Variants in ZNF845 observed in about 807,000 individuals in gnomAD.
ZNF845 encodes zinc finger protein 845.
Under a neutral mutation model 76.1 loss-of-function variants are expected in ZNF845, and 59 were observed. The observed-to-expected ratio is 0.78, with a 90% CI of 0.63 to 0.96. The LOEUF is 0.96. Ranked by LOEUF, ZNF845 falls within the 40% of genes least tolerant of loss-of-function variation. The probability of loss-of-function intolerance (pLI) is 0.00; values close to 1 mark genes in which losing one functional copy is unlikely to be tolerated. For synonymous variants in ZNF845, 361 were observed against 386.9 expected, an observed-to-expected ratio of 0.93 and a Z score of 0.78; for missense variants, 1,045 against 1,172.8, an observed-to-expected ratio of 0.89 and a Z score of 1.59.
chr19:53,346,403 TG>T (rs2085297075), intron 3 of ZNF845: 1 of 426,298 alleles, frequency 2.3e-6, no homozygotes, highest in South Asian at 1.6e-5. Context: ...AAAATTCTCG[TG>T]CCCCAGTGGC....
Position 53,352,997 on chromosome 19 carries a change from A to C in ZNF845, c.2322A>C (p.Pro774=), listed in dbSNP as rs1290417057. 1 of 1,613,558 alleles carries C rather than the reference A, an allele frequency of 6.2e-7. No individual in the cohort carries two copies. The highest frequency in any genetic ancestry group is 1.7e-5 in the Admixed American group (1 of 59,988). ...KHRRIHTGEK[P]YKCKVCDKAF... Reference sequence around the variant, plus strand: ...GGAGAATTCATACTGGAGAGAAACCATACAAATGTAAGGTTTGTGACAAAG... The same window carrying C: ...GGAGAATTCATACTGGAGAGAAACCCTACAAATGTAAGGTTTGTGACAAAG... Residue 774 remains proline, a synonymous_variant, in exon 4 of 4, where the codon CCA becomes CCC. Coordinates refer to ENST00000458035, the MANE Select transcript of ZNF845 (RefSeq NM_138374.3).
At position 53,350,889 on chromosome 19, in the gene ZNF845, G is replaced by A; in HGVS notation, c.214G>A (p.Gly72Arg). Reference sequence around the variant, plus strand: ...AGGCAATACAGAAGTGATCCACACAGGGACATTGCAAAGACATGAACGTCA... The same window carrying A: ...AGGCAATACAGAAGTGATCCACACAAGGACATTGCAAAGACATGAACGTCA... ...AQGNTEVIHT[G>R]TLQRHERHHI... Residue 72 changes from glycine to arginine, a missense_variant, in exon 4 of 4, where the codon GGG becomes AGG. By Grantham distance (125) the Gly-to-Arg change is moderately radical. Coordinates refer to ENST00000458035, the MANE Select transcript of ZNF845 (RefSeq NM_138374.3). 1.2e-6 allele frequency: 2 copies of A among 1,614,138 alleles called. No individual in the cohort carries two copies. Among genetic ancestry groups the A allele is most frequent in the Non-Finnish European group, 1.7e-6 (2 of 1,180,044 alleles).
At position 53,353,507 on chromosome 19, in the gene ZNF845, G is replaced by A. The variant is rs758793541; in HGVS notation, c.2832G>A (p.Lys944=). Residue 944 remains lysine, a synonymous_variant, in exon 4 of 4, where the codon AAG becomes AAA. Coordinates refer to ENST00000458035, the MANE Select transcript of ZNF845 (RefSeq NM_138374.3). ...TTCATACTGGAGAGAAACCTTACAA[G>A]TGTAATGAATGTGGCAAGGTTTTTA... The part of the protein sequence containing the change: ...KTIHTGEKPY[K]CNECGKVFNR... 1.2e-6 allele frequency: 2 copies of A among 1,613,380 alleles called. No homozygotes were observed. The highest frequency in any genetic ancestry group is 1.7e-5 in the Admixed American group (1 of 59,944).
In ZNF845 at chr19:53,351,992, C is replaced by T. The variant is rs764925917; in HGVS notation, c.1317C>T (p.Tyr439=). The stretch of plus-strand genomic sequence containing the variant: ...GACTTCATACTGGAGAGAAACCTTA[C>T]AAATGTGAAGAATGTGATGAAGCTT... ...HRRLHTGEKP[Y]KCEECDEAFS... Residue 439 remains tyrosine, a synonymous_variant, in exon 4 of 4, where the codon TAC becomes TAT. Coordinates refer to ENST00000458035, the MANE Select transcript of ZNF845 (RefSeq NM_138374.3). The T allele has an allele frequency of 1.9e-5, 30 of 1,614,032 alleles. No individual in the cohort carries two copies. Among genetic ancestry groups the T allele is most frequent in the Non-Finnish European group, 2.5e-5 (30 of 1,179,990 alleles).
At position 53,351,774 on chromosome 19, in the gene ZNF845, A is replaced by G; in HGVS notation, c.1099A>G (p.Lys367Glu). 6.2e-7 allele frequency: 1 copy of G among 1,614,080 alleles called. No homozygotes were observed. The highest frequency in any genetic ancestry group is 8.5e-7 in the Non-Finnish European group (1 of 1,179,984). ...AGAATGTGACAAAGCTTTCAGTTTCAAATCAAACCTTGAAAGACATAGGAA... is the reference window on the plus strand; with the variant it reads ...AGAATGTGACAAAGCTTTCAGTTTCGAATCAAACCTTGAAAGACATAGGAA... Reference protein sequence around the residue: ...CEECDKAFSFKSNLERHRKIH... With the variant: ...CEECDKAFSFESNLERHRKIH... Residue 367 changes from lysine to glutamate, a missense_variant, in exon 4 of 4, where the codon AAA becomes GAA. Transcript: ENST00000458035.
rs1312343808 is a variant in ZNF845, at chr19:53,355,877, C to G, written c.*2289C>G. 6.6e-6 allele frequency: 1 copy of G among 152,114 alleles called. No individual in the cohort carries two copies. The highest frequency in any genetic ancestry group is 1.5e-5 in the Non-Finnish European group (1 of 67,998). 9.4% of individuals were successfully genotyped at this position (152,114 alleles called of 1,614,324 possible). A position where few individuals can be genotyped will look rare whatever the true frequency, so the allele number is the denominator to read the frequency against. On this transcript the variant is annotated 3_prime_UTR_variant, in exon 4 of 4. Coordinates refer to ENST00000458035, the MANE Select transcript of ZNF845 (RefSeq NM_138374.3). ...TATTGAGTTCTGTGAAATGCTTTTTCTCTATCTATTGAGATAATGTGTTTT... is the reference window on the plus strand; with the variant it reads ...TATTGAGTTCTGTGAAATGCTTTTTGTCTATCTATTGAGATAATGTGTTTT...
In ZNF845 at chr19:53,353,236, C is replaced by G. The variant is rs1206747650; in HGVS notation, c.2561C>G (p.Thr854Ser). 1 of 1,613,810 alleles carries G rather than the reference C, an allele frequency of 6.2e-7. No individual in the cohort carries two copies. The highest frequency in any genetic ancestry group is 8.5e-7 in the Non-Finnish European group (1 of 1,179,862). The change falls in exon 4 of 4, where the codon ACT becomes AGT. Residue 854 changes from threonine (T) to serine (S), a missense_variant. Coordinates refer to ENST00000458035, the MANE Select transcript of ZNF845 (RefSeq NM_138374.3). Reference protein sequence around the residue: ...SALEIHKAIHTGEKPYKCSEC... With the variant: ...SALEIHKAIHSGEKPYKCSEC... ...CTTGAAATTCATAAGGCAATTCATA[C>G]TGGAGAAAAACCTTACAAGTGTAGT... is the stretch of plus-strand genomic sequence containing the variant.
At chr19:53,339,727 A>G (rs1015347316) in intron 1 of ZNF845, among the ~76,000 whole-genome samples, 1 of 152,210 alleles carries the variant, frequency 6.6e-6, no homozygotes, top group African/African-American at 2.4e-5. Context: ...CCCAGAGGGG[A>G]CATACTAGTA....
At chr19:53,349,901 G>A (rs1185683146) in intron 3 of ZNF845, among the ~76,000 whole-genome samples, 2 of 152,026 alleles carry the variant, frequency 1.3e-5, no homozygotes, top group African/African-American at 4.8e-5. Context: ...CAAGCATGGT[G>A]ATGCATGCCT....
rs2085341583 is a variant in ZNF845, at chr19:53,351,976, C to T, written c.1301C>T (p.Thr434Ile). 4 of 1,613,982 alleles carry T rather than the reference C, an allele frequency of 2.5e-6. No individual in the cohort carries two copies. The East Asian group carries it at 8.9e-5, about 36-fold the overall frequency. The change falls in exon 4 of 4, where the codon ACT becomes ATT. Residue 434 changes from threonine to isoleucine, a missense_variant. Physicochemically the swap from Thr to Ile is moderately conservative, Grantham distance 89 (BLOSUM62 -1). Coordinates refer to ENST00000458035, the MANE Select transcript of ZNF845 (RefSeq NM_138374.3). ...CTTGTATACCATCGTAGACTTCATA[C>T]TGGAGAGAAACCTTACAAATGTGAA... ...SSLVYHRRLH[T>I]GEKPYKCEEC...
chr19:53,346,406 C>T (rs1236642162), intron 3 of ZNF845: 2 of 422,714 alleles, frequency 4.7e-6, no homozygotes, highest in Non-Finnish European at 9.4e-6. Flanking sequence ...ATTCTCGTGC[C>T]CCAGTGGCTC....
intron 1 of ZNF845, 25 bp from the exon 2 acceptor site, chr19:53,341,209 AT>A: frequency 6.5e-7 from 1 of 1,541,304 alleles, no homozygotes; most frequent in Non-Finnish European, 8.9e-7. Flanking sequence ...ATTCTGAGCA[AT>A]AAACAACATA....
At position 53,353,056 on chromosome 19, in the gene ZNF845, C is replaced by T. The variant is rs374390031; in HGVS notation, c.2381C>T (p.Thr794Ile). The change falls in exon 4 of 4, where the codon ACT becomes ATT. Residue 794 changes from threonine (T) to isoleucine (I), a missense_variant. By Grantham distance (89) the Thr-to-Ile change is moderately conservative. Coordinates refer to ENST00000458035, the MANE Select transcript of ZNF845 (RefSeq NM_138374.3). ...CGTGATTCACACCTGGCACAACATA[C>T]TAGAATTCACACTGGAGAGAAACCT... ...FGRDSHLAQH[T>I]RIHTGEKPYK... 5.2e-5 allele frequency: 84 copies of T among 1,612,852 alleles called. No individual in the cohort carries two copies. The African/African-American group carries it at 1.1e-3, about 21-fold the overall frequency.
chr19:53,335,563 G>A (rs2085207673), intron 1 of ZNF845, among the ~76,000 whole-genome samples: 2 of 151,950 alleles, frequency 1.3e-5, no homozygotes, highest in South Asian at 2.1e-4. Flanking sequence ...AGGAGCCACC[G>A]TGCCTGGCCT....
At chr19:53,343,537 A>T (rs1054722234) in intron 2 of ZNF845, among the ~76,000 whole-genome samples, 6 of 152,120 alleles carry the variant, frequency 3.9e-5, no homozygotes, top group African/African-American at 1.4e-4. Flanking sequence ...TTCTACCAAG[A>T]TGTGATTCTT....
At position 53,352,287 on chromosome 19, in the gene ZNF845, C is replaced by G; in HGVS notation, c.1612C>G (p.Leu538Val). The change falls in exon 4 of 4, where the codon CTT becomes GTT. Residue 538 changes from leucine (L) to valine (V), a missense_variant. Coordinates refer to ENST00000458035, the MANE Select transcript of ZNF845 (RefSeq NM_138374.3). ...CGKTFSRKSS[L>V]TRHCRLHTGE... is the part of the protein sequence containing the mutation. ...CAAGACCTTTAGTCGGAAGTCATCC[C>G]TTACACGCCATTGTAGACTTCATAC... The G allele has an allele frequency of 6.2e-7, 1 of 1,613,812 alleles. No homozygotes were observed. The highest frequency in any genetic ancestry group is 2.2e-5 in the East Asian group (1 of 44,836).
rs555111851 is a variant in ZNF845, at chr19:53,341,059, A to C, written c.-73-176A>C. ...CTCTGGTCCATATTGGCTGCTCTGC[A>C]TGCTTCTTTCTGTTTTTTCACCTTC... On this transcript the variant is annotated intron_variant, in intron 1 of 3. Coordinates refer to ENST00000458035, the MANE Select transcript of ZNF845 (RefSeq NM_138374.3). 3 of 639,590 alleles carry C rather than the reference A, an allele frequency of 4.7e-6. No homozygotes were observed. The Admixed American group carries it at 9.1e-5, about 19-fold the overall frequency. 39.6% of individuals were successfully genotyped at this position (639,590 alleles called of 1,614,324 possible).
intron 1 of ZNF845, among the ~76,000 whole-genome samples, chr19:53,336,895 C>T (rs1449263110): frequency 1.3e-5 from 2 of 152,170 alleles, no homozygotes; most frequent in Non-Finnish European, 2.9e-5. Context: ...TTATTGGAAA[C>T]CTTTAACATC....
intron 1 of ZNF845, chr19:53,341,008 C>A (rs2085252508): frequency 4.1e-6 from 2 of 484,730 alleles, no homozygotes; most frequent in Admixed American, 3.4e-5. Context: ...TCCCATTTCA[C>A]ACTCCAGCTA....
Sources: gnomAD v4.1 joint callset for allele counts (sites outside exome capture counted in the v4.1 genomes callset) on GRCh38, gnomAD v4.1.1 for gene constraint, MANE v1.5 for transcripts, NCBI Gene and HGNC (gene_info 2026-07-23, HGNC 2026-07-21) for gene names.